Variants in UGT1A6 observed in about 807,000 individuals in gnomAD.
The protein encoded by UGT1A6 is UDP glucuronosyltransferase family 1 member A6.
UGT1A6 carries 32 observed loss-of-function variants against 44.4 expected under a neutral mutation model. The ratio of observed to expected loss-of-function variants is 0.72; its 90% CI spans 0.54 to 0.97. The LOEUF (loss-of-function observed/expected upper bound fraction) is 0.97. Ranked by LOEUF, UGT1A6 falls within the 50% of genes least tolerant of loss-of-function variation. The probability of loss-of-function intolerance (pLI) is 0.00; values close to 1 mark genes in which losing one functional copy is unlikely to be tolerated. For synonymous variants in UGT1A6, 238 were observed against 248.5 expected (o/e 0.96, Z 0.40); for missense variants, 685 against 661.9 (o/e 1.03, Z -0.38).
In UGT1A6 at chr2:233,695,130, CTT is replaced by C. The variant is rs71398796; in HGVS notation, c.861+1278_861+1279del. Among the ~76,000 whole-genome samples, 42 of 138,814 alleles carry C rather than the reference CTT, an allele frequency of 3.0e-4. 1 individual carries two copies. Among genetic ancestry groups the C allele is most frequent in the Middle Eastern group, 3.8e-3 (1 of 264 alleles). The allele number at this position is 138,814 out of a possible 152,430, so 91.1% of individuals were successfully genotyped here. A position where few individuals can be genotyped will look rare whatever the true frequency, so the allele number is the denominator to read the frequency against. Reference sequence around the variant, plus strand: ...GCCCATTAACCAACCCTTTTCTTTTCTTTTTTTTTTTTTTGAGACAGAGTCTC... The same window carrying C: ...GCCCATTAACCAACCCTTTTCTTTTCTTTTTTTTTTTTGAGACAGAGTCTC... On this transcript the variant is annotated intron_variant, in intron 1 of 4. Coordinates refer to ENST00000305139, the MANE Select transcript of UGT1A6 (RefSeq NM_001072.4).
intron 1 of UGT1A6, among the ~76,000 whole-genome samples, chr2:233,741,146 C>T (rs1691577481): frequency 6.6e-6 from 1 of 151,880 alleles, no homozygotes; most frequent in Admixed American, 6.6e-5. Flanking sequence ...CCATTTATGA[C>T]AGCACTAATC....
rs529215357 is a variant in UGT1A6, at chr2:233,707,210, CT to C, written c.861+13349del. On this transcript the variant is annotated intron_variant, in intron 1 of 4. Coordinates refer to ENST00000305139, the MANE Select transcript of UGT1A6 (RefSeq NM_001072.4). ...GCCCTCCGTTCTATTCCCTTTCCAT[CT>C]TTTCTCTGACTTTTGTGATGATTAT... Among the ~76,000 whole-genome samples, 182 of 152,268 alleles carry C rather than the reference CT, an allele frequency of 1.2e-3. 1 individual carries two copies. The highest frequency in any genetic ancestry group is 4.3e-3 in the African/African-American group (179 of 41,568).
Position 233,747,455 on chromosome 2 carries a change from C to T in UGT1A6, c.862-19579C>T, listed in dbSNP as rs545965821. Reference sequence around the variant, plus strand: ...AATTTTTCACCCTGACAACCTATGCCATTTCATGGACCCAGGATGAATTTG... The same window carrying T: ...AATTTTTCACCCTGACAACCTATGCTATTTCATGGACCCAGGATGAATTTG... On this transcript the variant is annotated intron_variant, in intron 1 of 4. Coordinates refer to ENST00000305139, the MANE Select transcript of UGT1A6 (RefSeq NM_001072.4). 52 of 1,608,866 alleles carry T rather than the reference C, an allele frequency of 3.2e-5. 1 individual carries two copies. Among genetic ancestry groups the T allele is most frequent in the Admixed American group, 5.0e-5 (3 of 60,014 alleles).
chr2:233,732,066 G>A (rs1295393018), intron 1 of UGT1A6, among the ~76,000 whole-genome samples: 2 of 152,128 alleles, frequency 1.3e-5, no homozygotes, highest in African/African-American at 4.8e-5. Flanking sequence ...TGTGTCTGTT[G>A]GCTGCATAAA....
rs549328655 is a variant in UGT1A6 at position 233,768,346 on chromosome 2, T to C, written c.1208T>C (p.Met403Thr). 31 of 1,614,146 alleles carry C rather than the reference T, an allele frequency of 1.9e-5. No individual in the cohort carries two copies. Among genetic ancestry groups the C allele is most frequent in the Non-Finnish European group, 2.5e-5 (30 of 1,180,016 alleles). ...GATCAGATGGACAATGCAAAGCGCA[T>C]GGAGACTAAGGGAGCTGGAGTGACC... ...FGDQMDNAKR[M>T]ETKGAGVTLN... Residue 403 changes from methionine to threonine, a missense_variant, in exon 4 of 5, where the codon ATG becomes ACG. Physicochemically the swap from Met to Thr is moderately conservative, Grantham distance 81 (BLOSUM62 -1). Transcript: ENST00000305139.
At chr2:233,765,331 C>T (rs770638487) in intron 1 of UGT1A6, among the ~76,000 whole-genome samples, 13 of 152,154 alleles carry the variant, frequency 8.5e-5, no homozygotes, top group Admixed American at 2.6e-4. Context: ...GCACTATTCA[C>T]AATAACAAAG....
intron 1 of UGT1A6, among the ~76,000 whole-genome samples, chr2:233,709,354 A>G (rs1369898370): frequency 6.6e-6 from 1 of 152,210 alleles, no homozygotes; most frequent in African/African-American, 2.4e-5. Flanking sequence ...CTATTACTAT[A>G]TAGATTTTTC....
intron 1 of UGT1A6, among the ~76,000 whole-genome samples, chr2:233,717,571 A>C (rs1166203579): frequency 6.6e-6 from 1 of 152,240 alleles, no homozygotes; most frequent in Non-Finnish European, 1.5e-5. Context: ...ATGGCCAGGC[A>C]TGTAGACACA....
chr2:233,757,298 TG>T (rs1270061010), intron 1 of UGT1A6, among the ~76,000 whole-genome samples: 3 of 5,528 alleles, frequency 5.4e-4, no homozygotes, highest in Non-Finnish European at 9.8e-4. Context: ...AGCTGGGGGT[TG>T]GGGGACAGGG....
At chr2:233,745,811 G>C (rs148112408) in intron 1 of UGT1A6, among the ~76,000 whole-genome samples, 1 of 151,496 alleles carries the variant, frequency 6.6e-6, no homozygotes, top group East Asian at 1.9e-4. Flanking sequence ...CCAGAGTTTT[G>C]AGAGCAAGGC....
chr2:233,721,854 C>A, intron 1 of UGT1A6: 1 of 513,502 alleles, frequency 1.9e-6, no homozygotes. Flanking sequence ...AGCCCCACTG[C>A]TCGGCCCTGG....
At chr2:233,755,280 C>T in intron 1 of UGT1A6, 2 of 709,722 alleles carry the variant, frequency 2.8e-6, no homozygotes, top group Non-Finnish European at 2.2e-6. Context: ...GCTGGACTGC[C>T]AAAGAGCCTG....
intron 1 of UGT1A6, among the ~76,000 whole-genome samples, chr2:233,695,505 G>A (rs1425360568): frequency 3.3e-5 from 5 of 151,594 alleles, no homozygotes; most frequent in Non-Finnish European, 7.4e-5. Context: ...AGTTTTTGGA[G>A]TATTACAAAT....
At chr2:233,734,121 T>TAAA (rs1021409062) in intron 1 of UGT1A6, among the ~76,000 whole-genome samples, 6 of 151,862 alleles carry the variant, frequency 4.0e-5, no homozygotes, top group African/African-American at 1.5e-4. Context: ...ATAATAATAA[T>TAAA]AAAAAGAATT....
At chr2:233,766,428 A>G (rs1336103880) in intron 1 of UGT1A6, among the ~76,000 whole-genome samples, 1 of 152,116 alleles carries the variant, frequency 6.6e-6, no homozygotes, top group African/African-American at 2.4e-5. Context: ...CCCGATGTCC[A>G]GCTACCTGTG....
At chr2:233,739,452 G>C (rs115541121) in intron 1 of UGT1A6, among the ~76,000 whole-genome samples, 1,700 of 152,308 alleles carry the variant, frequency 0.011, 37 homozygotes, top group African/African-American at 0.039. Flanking sequence ...AAGCCACAGG[G>C]TTGGAGCTGC....
rs956485327 is a variant in UGT1A6, at chr2:233,732,755, GTTTTTTT to G, written c.862-34269_862-34263del. On this transcript the variant is annotated intron_variant, in intron 1 of 4. Transcript: ENST00000305139. Reference sequence around the variant, plus strand: ...CAGGTAGCATGATGCCACCAGCTTTGTTTTTTTTTTTTTTTTGCTTAGGATTGTCTTG... The same window carrying G: ...CAGGTAGCATGATGCCACCAGCTTTGTTTTTTTTTGCTTAGGATTGTCTTG... Among the ~76,000 whole-genome samples the G allele has an allele frequency of 7.5e-5, 9 of 120,224 alleles. No individual in the cohort carries two copies. The East Asian group carries it at 1.2e-3, about 16-fold the overall frequency. 78.9% of individuals were successfully genotyped at this position (120,224 alleles called of 152,430 possible).
intron 1 of UGT1A6, chr2:233,717,728 T>C (rs1450315023): frequency 2.2e-6 from 1 of 456,056 alleles, no homozygotes; most frequent in Non-Finnish European, 4.4e-6. Flanking sequence ...CATGAGACCA[T>C]TGTGAGTGCT....
At chr2:233,696,659 A>G (rs989216959) in intron 1 of UGT1A6, among the ~76,000 whole-genome samples, 1 of 152,198 alleles carries the variant, frequency 6.6e-6, no homozygotes, top group Non-Finnish European at 1.5e-5. Context: ...TTCCAGTACT[A>G]TGAAGAATAA....
Sources: allele counts gnomAD v4.1 joint callset (sites outside exome capture counted in the v4.1 genomes callset), GRCh38; gene constraint gnomAD v4.1.1; transcripts MANE v1.5; gene names NCBI Gene and HGNC (gene_info 2026-07-23, HGNC 2026-07-21).